Variants in ESRRB observed in about 807,000 individuals in gnomAD.
ESRRB encodes the protein estrogen related receptor beta, also known as steroid hormone receptor ERR2.
ESRRB carries 16 observed loss-of-function variants against 46.0 expected under a neutral mutation model. The observed-to-expected ratio is 0.35, with a 90% CI of 0.24 to 0.53. The LOEUF (loss-of-function observed/expected upper bound fraction) is 0.53, where lower values mean the gene tolerates loss of function less well. Ranked by LOEUF, ESRRB falls within the 20% of genes least tolerant of loss-of-function variation. The pLI is 0.93. For missense variants in ESRRB, 488 were observed against 607.4 expected, an observed-to-expected ratio of 0.80 and a Z score of 2.07; for synonymous variants, 246 against 259.6, an observed-to-expected ratio of 0.95 and a Z score of 0.50.
chr14:76,410,945 G>A (rs914350957), intron 1 of ESRRB, among the ~76,000 whole-genome samples: 2 of 151,582 alleles, frequency 1.3e-5, no homozygotes, highest in East Asian at 2.0e-4. Context: ...CACCAAGCCC[G>A]GCTAATTTTT....
At chr14:76,467,301 G>A (rs971361666) in intron 3 of ESRRB, among the ~76,000 whole-genome samples, 6 of 151,738 alleles carry the variant, frequency 4.0e-5, no homozygotes, top group African/African-American at 1.5e-4. Context: ...AGGAGTTCGA[G>A]ACCAGCCTGG....
intron 1 of ESRRB, among the ~76,000 whole-genome samples, chr14:76,333,078 T>A (rs1276503030): frequency 1.1e-4 from 1 of 9,130 alleles, no homozygotes; most frequent in Non-Finnish European, 1.9e-4. Flanking sequence ...ATATTATATA[T>A]ATTATTTATA....
chr14:76,344,945 A>C (rs931624904), intron 1 of ESRRB, among the ~76,000 whole-genome samples: 7 of 151,992 alleles, frequency 4.6e-5, no homozygotes, highest in Admixed American at 2.0e-4. Context: ...ATTCCATCAT[A>C]TATATACTAC....
At chr14:76,453,779 T>G (rs11627077) in intron 2 of ESRRB, among the ~76,000 whole-genome samples, 5,139 of 152,020 alleles carry the variant, frequency 0.034, 170 homozygotes, top group East Asian at 0.15. Flanking sequence ...CTCGGCTAAT[T>G]TTTTGTATTT....
At chr14:76,396,676 C>T (rs1192707797) in intron 1 of ESRRB, among the ~76,000 whole-genome samples, 2 of 152,250 alleles carry the variant, frequency 1.3e-5, no homozygotes, top group East Asian at 3.8e-4. Flanking sequence ...TCCCTGCCCA[C>T]CTGCTCCCCT....
intron 1 of ESRRB, among the ~76,000 whole-genome samples, chr14:76,419,200 A>C (rs563502911): frequency 6.6e-6 from 1 of 151,764 alleles, no homozygotes; most frequent in East Asian, 2.0e-4. Context: ...TTTTTAGTAG[A>C]GATGGGGTTT....
chr14:76,338,658 A>G (rs1884156095), intron 1 of ESRRB, among the ~76,000 whole-genome samples: 1 of 152,220 alleles, frequency 6.6e-6, no homozygotes, highest in South Asian at 2.1e-4. Context: ...AGAATAGAAA[A>G]TAGCAGGCCA....
At chr14:76,432,050 C>T (rs1001540892) in intron 1 of ESRRB, among the ~76,000 whole-genome samples, 8 of 152,182 alleles carry the variant, frequency 5.3e-5, no homozygotes, top group African/African-American at 1.4e-4. Flanking sequence ...CCACCATTGC[C>T]GCCTCTCCAT....
In ESRRB at chr14:76,500,071, CTT is replaced by C; in HGVS notation, c.*1615_*1616del. ...ACTAGGACACCAGGAGGCCAGGTAA[CTT>C]TCTGCAGCTTTTCCATAGAAGCCCT... is the stretch of plus-strand genomic sequence containing the variant. On this transcript the variant is annotated 3_prime_UTR_variant, in exon 7 of 7. Transcript: ENST00000644823. 1 of 1,548,876 alleles carries C rather than the reference CTT, an allele frequency of 6.5e-7. No individual in the cohort carries two copies. The highest frequency in any genetic ancestry group is 8.7e-7 in the Non-Finnish European group (1 of 1,144,730).
At chr14:76,313,426 T>C (rs1177599868) in intron 1 of ESRRB, among the ~76,000 whole-genome samples, 3 of 152,160 alleles carry the variant, frequency 2.0e-5, no homozygotes, top group Non-Finnish European at 4.4e-5. Context: ...TTTCTCTGAA[T>C]GTAAATGAGC....
At position 76,439,386 on chromosome 14, in the gene ESRRB, C is replaced by G. The variant is rs1318796593; in HGVS notation, c.96C>G (p.Ser32Arg). 1 of 1,613,684 alleles carries G rather than the reference C, an allele frequency of 6.2e-7. No homozygotes were observed. The highest frequency in any genetic ancestry group is 8.5e-7 in the Non-Finnish European group (1 of 1,180,040). Residue 32 changes from serine to arginine, a missense_variant, in exon 2 of 7, where the codon AGC (serine) becomes AGG (arginine). Coordinates refer to ENST00000644823, the MANE Select transcript of ESRRB (RefSeq NM_001379180.1). The part of the protein sequence containing the change: ...MSSDDRHLGS[S>R]CGSFIKTEPS... ...CGGACGACAGGCACCTGGGCTCCAG[C>G]TGCGGCTCCTTCATCAAGACTGAGC...
chr14:76,337,579 G>A (rs1884142582), intron 1 of ESRRB, among the ~76,000 whole-genome samples: 1 of 152,180 alleles, frequency 6.6e-6, no homozygotes, highest in Non-Finnish European at 1.5e-5. Context: ...GGGGAAGGGC[G>A]GGTGCTTGAC....
chr14:76,424,150 C>T (rs1416230456), intron 1 of ESRRB, among the ~76,000 whole-genome samples: 1 of 152,170 alleles, frequency 6.6e-6, no homozygotes, highest in Non-Finnish European at 1.5e-5. Context: ...CTAGTTGTTG[C>T]AAGGAATCAG....
chr14:76,364,189 G>T (rs1884495796), intron 1 of ESRRB, among the ~76,000 whole-genome samples: 1 of 152,170 alleles, frequency 6.6e-6, no homozygotes. Context: ...TACAGTGATT[G>T]CCCAAAAGAG....
intron 1 of ESRRB, among the ~76,000 whole-genome samples, chr14:76,377,437 G>A (rs1884820847): frequency 6.6e-6 from 1 of 152,146 alleles, no homozygotes; most frequent in African/African-American, 2.4e-5. Context: ...TGGGCGCTGC[G>A]CACCCCACGG....
intron 6 of ESRRB, 22 bp from the exon 7 acceptor site, chr14:76,498,192 A>G: frequency 6.2e-7 from 1 of 1,613,462 alleles, no homozygotes; most frequent in South Asian, 1.1e-5. Flanking sequence ...AAGCCTGCTA[A>G]TGCTCGTCCT....
chr14:76,402,029 G>A (rs996594833), intron 1 of ESRRB, among the ~76,000 whole-genome samples: 3 of 152,192 alleles, frequency 2.0e-5, no homozygotes, highest in African/African-American at 4.8e-5. Flanking sequence ...GTCCAAAGGC[G>A]GGAGAAGGCT....
At chr14:76,337,321 T>C (rs1884139136) in intron 1 of ESRRB, among the ~76,000 whole-genome samples, 1 of 152,172 alleles carries the variant, frequency 6.6e-6, no homozygotes, top group African/African-American at 2.4e-5. Context: ...GTAGAGGACT[T>C]TCCCCTTGGA....
intron 1 of ESRRB, among the ~76,000 whole-genome samples, chr14:76,352,013 A>G (rs1884319950): frequency 6.7e-6 from 1 of 149,258 alleles, no homozygotes; most frequent in Non-Finnish European, 1.5e-5. Flanking sequence ...AAAAAAAGCA[A>G]ACTCCAAGAA....
Sources: gnomAD v4.1 joint callset for allele counts (sites outside exome capture counted in the v4.1 genomes callset) on GRCh38, gnomAD v4.1.1 for gene constraint, MANE v1.5 for transcripts, NCBI Gene and HGNC (gene_info 2026-07-23, HGNC 2026-07-21) for gene names.